Variants in SYNJ1 observed in about 807,000 individuals in gnomAD.
SYNJ1 encodes synaptojanin 1.
In SYNJ1, 78 loss-of-function variants were observed where a neutral mutation model predicts 168.2. That is an observed-to-expected ratio of 0.46 (90% CI 0.39 to 0.56). SYNJ1 has a LOEUF of 0.56. SYNJ1 is among the 20% of genes least tolerant of loss of function. The pLI is 0.00. For synonymous variants in SYNJ1, 539 were observed against 548.6 expected (o/e 0.98, Z 0.24); for missense variants, 1,303 against 1,597.6 (o/e 0.82, Z 3.14).
intron 5 of SYNJ1, 61 bp downstream of exon 5, chr21:32,694,996 T>C: frequency 1.4e-6 from 2 of 1,417,718 alleles, no homozygotes; most frequent in East Asian, 2.5e-5. Flanking sequence ...TCTGTTATTC[T>C]AGTATTTTCT....
chr21:32,678,878 T>C, intron 11 of SYNJ1, 77 bp from the exon 12 acceptor site: 1 of 1,551,268 alleles, frequency 6.4e-7, no homozygotes, highest in Non-Finnish European at 8.7e-7. Context: ...TTTTTTGAAA[T>C]TTTAAATCAG....
chr21:32,639,917 C>T, intron 29 of SYNJ1, 138 bp from the exon 30 acceptor site: 1 of 650,674 alleles, frequency 1.5e-6, no homozygotes. Flanking sequence ...GTGCTCTCTA[C>T]TTGAAGCCAT....
At chr21:32,649,060 G>C (rs1230057177) in intron 23 of SYNJ1, among the ~76,000 whole-genome samples, 1 of 152,208 alleles carries the variant, frequency 6.6e-6, no homozygotes, top group East Asian at 1.9e-4. Context: ...CTCTGGGAAA[G>C]CTTGCCCAAT....
rs1569030684 is a variant in SYNJ1 at position 32,641,930 on chromosome 21, C to T, written c.3554G>A (p.Gly1185Asp). 1.2e-6 allele frequency: 2 copies of T among 1,613,686 alleles called. No homozygotes were observed. Among genetic ancestry groups the T allele is most frequent in the Non-Finnish European group, 1.7e-6 (2 of 1,179,816 alleles). The change falls in exon 29 of 33, where the codon GGC (glycine) becomes GAC (aspartate). Residue 1185 changes from glycine (G) to aspartate (D), a missense_variant. Physicochemically the swap from Gly to Asp is moderately conservative, Grantham distance 94. Coordinates refer to ENST00000674351, the MANE Select transcript of SYNJ1 (RefSeq NM_203446.3). The stretch of plus-strand genomic sequence containing the variant: ...TGTACTGTATCCAGCAGGTCCTGGG[C>T]CTGCAAGTCCTGCTTGAGGTGAAGG... ...SQPSPQAGLA[G>D]PGPAGYSTAR...
intron 2 of SYNJ1, among the ~76,000 whole-genome samples, chr21:32,719,645 A>C (rs573142334): frequency 2.0e-5 from 3 of 151,806 alleles, no homozygotes; most frequent in South Asian, 2.1e-4. Context: ...ACCCGTAGGC[A>C]GAGGTTGCAG....
intron 7 of SYNJ1, among the ~76,000 whole-genome samples, chr21:32,687,940 A>G (rs535903904): frequency 2.3e-4 from 35 of 152,184 alleles, no homozygotes; most frequent in Non-Finnish European, 4.7e-4. Context: ...TTTACTAATG[A>G]GATACCTTAC....
At chr21:32,700,151 C>T (rs754174664) in intron 3 of SYNJ1, 46 bp from the exon 4 acceptor site, 3 of 1,545,108 alleles carry the variant, frequency 1.9e-6, no homozygotes, top group Non-Finnish European at 2.6e-6. Context: ...CCAACATTTT[C>T]AAGCTATTCC....
chr21:32,680,258 C>T (rs1235207695), intron 11 of SYNJ1, among the ~76,000 whole-genome samples: 3 of 152,204 alleles, frequency 2.0e-5, no homozygotes, highest in South Asian at 4.2e-4. Context: ...TATTATGAGA[C>T]ACAGAAGAGG....
chr21:32,653,730 G>A, intron 21 of SYNJ1: 1 of 165,004 alleles, frequency 6.1e-6, no homozygotes, highest in Non-Finnish European at 1.3e-5. Context: ...TTACAGGGCT[G>A]GGATCCAAGT....
intron 25 of SYNJ1, among the ~76,000 whole-genome samples, 162 bp downstream of exon 25, chr21:32,645,484 T>A (rs935033573): frequency 6.6e-6 from 1 of 152,240 alleles, no homozygotes; most frequent in Non-Finnish European, 1.5e-5. Flanking sequence ...CTCTACCTTG[T>A]CTGTTGCGCC....
At chr21:32,637,017 A>C (rs1312766272) in intron 31 of SYNJ1, among the ~76,000 whole-genome samples, 1 of 152,208 alleles carries the variant, frequency 6.6e-6, no homozygotes, top group South Asian at 2.1e-4. Context: ...AAAACAATGG[A>C]AAGTTTTCTG....
intron 12 of SYNJ1, among the ~76,000 whole-genome samples, chr21:32,676,943 T>C (rs1433403817): frequency 6.6e-6 from 1 of 152,102 alleles, no homozygotes; most frequent in African/African-American, 2.4e-5. Context: ...GGGAACCTCA[T>C]AAAAATAGTA....
chr21:32,727,373 T>C (rs1365953239), intron 1 of SYNJ1, among the ~76,000 whole-genome samples: 1 of 152,042 alleles, frequency 6.6e-6, no homozygotes, highest in African/African-American at 2.4e-5. Flanking sequence ...TCAAAGCTCC[T>C]TAGGGGGCAG....
At chr21:32,713,094 A>T (rs2042886604) in intron 2 of SYNJ1, among the ~76,000 whole-genome samples, 1 of 152,272 alleles carries the variant, frequency 6.6e-6, no homozygotes, top group South Asian at 2.1e-4. Flanking sequence ...AATATGAGTA[A>T]ACTACTGCCA....
chr21:32,643,269 A>C (rs2039922006), intron 27 of SYNJ1, 141 bp downstream of exon 27: 1 of 788,590 alleles, frequency 1.3e-6, no homozygotes, highest in Non-Finnish European at 2.1e-6. Context: ...CAAGGTATAC[A>C]TAAGGAGGGG....
In SYNJ1 at chr21:32,631,427, G is replaced by A. The variant is rs776045951; in HGVS notation, c.*378C>T. On this transcript the variant is annotated 3_prime_UTR_variant, in exon 33 of 33. Coordinates refer to ENST00000674351, the MANE Select transcript of SYNJ1 (RefSeq NM_203446.3). ...TGATAGTAACGGGCTCTTCTTTGGA[G>A]AACCATGAAGTTGCCTCTGATTCTT... is the stretch of plus-strand genomic sequence containing the variant. The A allele has an allele frequency of 6.2e-7, 1 of 1,614,164 alleles. No individual in the cohort carries two copies. Among genetic ancestry groups the A allele is most frequent in the Non-Finnish European group, 8.5e-7 (1 of 1,180,030 alleles).
intron 29 of SYNJ1, 93 bp downstream of exon 29, chr21:32,641,803 G>A (rs2145742020): frequency 1.2e-6 from 1 of 856,968 alleles, no homozygotes; most frequent in Middle Eastern, 2.2e-4. Context: ...AGGCCTTGAA[G>A]GGTCACATGA....
chr21:32,716,012 C>G (rs997944165), intron 2 of SYNJ1, among the ~76,000 whole-genome samples: 2 of 152,254 alleles, frequency 1.3e-5, no homozygotes, highest in Non-Finnish European at 2.9e-5. Context: ...TGCTCACATA[C>G]GTAACACTAC....
At chr21:32,656,628 T>G in intron 21 of SYNJ1, 59 bp downstream of exon 21, 1 of 1,429,526 alleles carries the variant, frequency 7.0e-7, no homozygotes, top group South Asian at 1.3e-5. Context: ...TAAGGTGATT[T>G]CTATATAGAA....
Sources: gnomAD v4.1 joint callset for allele counts (sites outside exome capture counted in the v4.1 genomes callset) on GRCh38, gnomAD v4.1.1 for gene constraint, MANE v1.5 for transcripts, NCBI Gene and HGNC (gene_info 2026-07-23, HGNC 2026-07-21) for gene names.